PCDHGA6: variants seen among roughly 807,000 people sequenced by gnomAD.
PCDHGA6 encodes the protein protocadherin gamma subfamily A, 6.
PCDHGA6 carries 41 observed loss-of-function variants against 60.6 expected under a neutral mutation model. That is an observed-to-expected ratio of 0.68 (90% CI 0.53 to 0.88). The LOEUF is 0.88. Among genes scored for constraint, PCDHGA6 ranks in the 40% least tolerant of loss-of-function variants. The probability of loss-of-function intolerance (pLI) is 0.00; values close to 1 mark genes in which losing one functional copy is unlikely to be tolerated. For synonymous variants in PCDHGA6, 594 were observed against 524.4 expected (o/e 1.13, Z -1.81); for missense variants, 1,312 against 1,203.0 (o/e 1.09, Z -1.34).
intron 1 of PCDHGA6, chr5:141,404,795 G>A (rs769293241): frequency 5.0e-6 from 8 of 1,613,924 alleles, no homozygotes; most frequent in Admixed American, 1.7e-5. Flanking sequence ...CAGTGAGCCA[G>A]GGCTCTTCTC....
Position 141,431,520 on chromosome 5 carries a change from A to T in PCDHGA6, c.2424+55013A>T. ...GAGTACCGCGCGAGCGTTCCGGAGA[A>T]TCTGGCCTTGGGCACGCAGCTGCTT... On this transcript the variant is annotated intron_variant, in intron 1 of 3. Transcript: ENST00000517434. The surrounding 1 kb of genome is among the most constrained non-coding windows in gnomAD (Gnocchi z 4.8). 6.2e-7 allele frequency: 1 copy of T among 1,614,068 alleles called. No homozygotes were observed. Among genetic ancestry groups the T allele is most frequent in the Non-Finnish European group, 8.5e-7 (1 of 1,180,020 alleles).
rs747179611 is a variant in PCDHGA6 at position 141,476,473 on chromosome 5, C to T, written c.2425-18334C>T. ...TAGTGGAGAACCCGCTGGAGCTGTT[C>T]AGCGTGGAAGTGGTGATCCAGGACA... On this transcript the variant is annotated intron_variant, in intron 1 of 3. Coordinates refer to ENST00000517434, the MANE Select transcript of PCDHGA6 (RefSeq NM_018919.3). The surrounding 1 kb of genome is among the most constrained non-coding windows in gnomAD (Gnocchi z 7.6). 3.1e-6 allele frequency: 5 copies of T among 1,613,888 alleles called. No homozygotes were observed. The highest frequency in any genetic ancestry group is 3.3e-5 in the Admixed American group (2 of 59,984).
intron 1 of PCDHGA6, among the ~76,000 whole-genome samples, chr5:141,443,609 T>C (rs2098396115): frequency 1.3e-5 from 2 of 152,260 alleles, no homozygotes; most frequent in African/African-American, 4.8e-5. Flanking sequence ...GAAATGTTCT[T>C]ATAATCAGGT....
At chr5:141,455,103 C>T (rs1319698016) in intron 1 of PCDHGA6, among the ~76,000 whole-genome samples, 1 of 151,862 alleles carries the variant, frequency 6.6e-6, no homozygotes, top group South Asian at 2.1e-4. Flanking sequence ...TGAGCCACTG[C>T]GCCCGGTGGG....
At chr5:141,403,738 T>G in intron 1 of PCDHGA6, 3 of 1,613,930 alleles carry the variant, frequency 1.9e-6, no homozygotes, top group Admixed American at 3.3e-5. Context: ...CCTGGCTGCT[T>G]ACTGCAACAG....
chr5:141,382,131 C>G (rs2150200415), intron 1 of PCDHGA6, among the ~76,000 whole-genome samples: 1 of 152,134 alleles, frequency 6.6e-6, no homozygotes, highest in African/African-American at 2.4e-5. Flanking sequence ...CCTGGCCCCC[C>G]CTCTCATTTT....
intron 1 of PCDHGA6, chr5:141,379,054 G>A (rs969073480): frequency 6.6e-5 from 10 of 152,204 alleles, no homozygotes; most frequent in Admixed American, 5.2e-4. Context: ...TTATAGAATG[G>A]ATTGGCCACT....
chr5:141,415,758 T>TG, intron 1 of PCDHGA6: 1 of 1,381,742 alleles, frequency 7.2e-7, no homozygotes, highest in South Asian at 1.7e-5. Context: ...TTTTTTTTTT[T>TG]TTTTTTTTTT....
At chr5:141,447,576 A>G (rs758449068) in intron 1 of PCDHGA6, among the ~76,000 whole-genome samples, 6 of 152,214 alleles carry the variant, frequency 3.9e-5, no homozygotes, top group African/African-American at 7.2e-5. Context: ...CTATGTCCAC[A>G]CATACCTTAA....
Position 141,489,826 on chromosome 5 carries a change from C to G in PCDHGA6, c.2425-4981C>G. On this transcript the variant is annotated intron_variant, in intron 1 of 3. Transcript: ENST00000517434. This position sits in a 1 kb window ranked among gnomAD's most constrained non-coding sequence, Gnocchi z 4.5. The stretch of plus-strand genomic sequence containing the variant: ...TGGGAAGCCATTCCCAGAGCTGGTG[C>G]TAGAGCAGCAGCTGGATCGTGAAGC... 1 of 1,614,186 alleles carries G rather than the reference C, an allele frequency of 6.2e-7. No homozygotes were observed. The highest frequency in any genetic ancestry group is 8.5e-7 in the Non-Finnish European group (1 of 1,179,988).
chr5:141,465,979 G>A (rs779605313), intron 1 of PCDHGA6, among the ~76,000 whole-genome samples: 9 of 151,846 alleles, frequency 5.9e-5, no homozygotes, highest in Non-Finnish European at 1.3e-4. Flanking sequence ...AAAATTAGCC[G>A]GGCATGGTGG....
intron 1 of PCDHGA6, chr5:141,382,739 G>C (rs1005950630): frequency 5.2e-6 from 3 of 573,658 alleles, no homozygotes; most frequent in Non-Finnish European, 5.9e-6. Context: ...ACAGAGAAAC[G>C]ACAGATTGCG....
intron 1 of PCDHGA6, chr5:141,423,206 C>A: frequency 6.2e-7 from 1 of 1,613,668 alleles, no homozygotes. Context: ...GCCACCGTCA[C>A]GCTCACCGTG....
intron 2 of PCDHGA6, among the ~76,000 whole-genome samples, chr5:141,503,423 C>T (rs1018496430): frequency 6.6e-6 from 1 of 151,752 alleles, no homozygotes; most frequent in Non-Finnish European, 1.5e-5. Context: ...GGTGAAACCC[C>T]ATCTCTACTA....
At chr5:141,389,267 GA>G (rs2091674195) in intron 1 of PCDHGA6, 1 of 1,613,890 alleles carries the variant, frequency 6.2e-7, no homozygotes, top group African/African-American at 1.3e-5. Context: ...ACGTGGCCGA[GA>G]ACAACCCGCC....
chr5:141,376,247 T>G lies in PCDHGA6; in HGVS notation c.2164T>G (p.Ser722Ala). Residue 722 changes from serine to alanine, a missense_variant, in exon 1 of 4, where the codon TCA becomes GCA. By Grantham distance (99) the Ser-to-Ala change is moderately conservative. Transcript: ENST00000517434. ...GCTCAGACTGCAGCGCTGGCACAAG[T>G]CACGCCTGCTGCAGGCTTCGGGAGG... ...LALRLQRWHKSRLLQASGGGL... is the reference protein window; with the variant it reads ...LALRLQRWHKARLLQASGGGL... The G allele has an allele frequency of 6.2e-7, 1 of 1,614,192 alleles. No homozygotes were observed. Among genetic ancestry groups the G allele is most frequent in the Non-Finnish European group, 8.5e-7 (1 of 1,180,038 alleles).
chr5:141,453,333 A>T (rs181261279), intron 1 of PCDHGA6, among the ~76,000 whole-genome samples: 3 of 151,914 alleles, frequency 2.0e-5, no homozygotes, highest in Admixed American at 1.3e-4. Context: ...GGGTCTCACT[A>T]TGTTTCCCCA....
At chr5:141,499,399 C>A (rs2099791676) in intron 2 of PCDHGA6, among the ~76,000 whole-genome samples, 1 of 152,072 alleles carries the variant, frequency 6.6e-6, no homozygotes, top group Non-Finnish European at 1.5e-5. Flanking sequence ...ATAGTACATG[C>A]TCATTATAGA....
intron 1 of PCDHGA6, among the ~76,000 whole-genome samples, chr5:141,470,360 T>G (rs1554150725): frequency 6.6e-6 from 1 of 152,142 alleles, no homozygotes; most frequent in Non-Finnish European, 1.5e-5. Context: ...ATAGACACAT[T>G]AGGTTGAATG....
Sources: gnomAD v4.1 joint callset for allele counts (sites outside exome capture counted in the v4.1 genomes callset) on GRCh38, gnomAD v4.1.1 for gene constraint, Gnocchi (gnomAD v3.1) non-coding constraint, MANE v1.5 for transcripts, NCBI Gene and HGNC (gene_info 2026-07-23, HGNC 2026-07-21) for gene names.